CFAP43: variants seen among roughly 807,000 people sequenced by gnomAD.
The protein encoded by CFAP43 is cilia- and flagella-associated protein 43.
Under a neutral mutation model 218.9 loss-of-function variants are expected in CFAP43, and 155 were observed. That is an observed-to-expected ratio of 0.71 (90% CI 0.62 to 0.81). CFAP43 has a LOEUF of 0.81. CFAP43 is among the 30% of genes least tolerant of loss of function. CFAP43 has a pLI of 0.00. For synonymous variants in CFAP43, 645 were observed against 681.3 expected, an observed-to-expected ratio of 0.95 and a Z score of 0.83; for missense variants, 1,778 against 1,954.3, an observed-to-expected ratio of 0.91 and a Z score of 1.70.
intron 3 of CFAP43, among the ~76,000 whole-genome samples, chr10:104,215,478 T>C (rs1444693434): frequency 1.3e-5 from 2 of 152,140 alleles, no homozygotes; most frequent in Non-Finnish European, 2.9e-5. Flanking sequence ...CTTGATCCTT[T>C]GACTTTTTGC....
At position 104,230,604 on chromosome 10, in the gene CFAP43, C is replaced by G. The variant is rs753615149; in HGVS notation, c.305G>C (p.Arg102Thr). 1.9e-6 allele frequency: 3 copies of G among 1,613,952 alleles called. No homozygotes were observed. The South Asian group carries it at 3.3e-5, about 18-fold the overall frequency. Residue 102 changes from arginine to threonine, a missense_variant, in exon 2 of 38, where the codon AGG (arginine) becomes ACG (threonine). By Grantham distance (71) the Arg-to-Thr change is moderately conservative. Transcript: ENST00000357060. ...CTCTAGAATACCTTTCAATTTGGTC[C>G]TTCTGGTCAATCCTGGAAAGCTGTA... ...YVYSFPGLTR[R>T]TKLKGNILLD...
In CFAP43 at chr10:104,225,441, C is replaced by T. The variant is rs781205613; in HGVS notation, c.416+20G>A. The stretch of plus-strand genomic sequence containing the variant: ...AAATGTAACCCAGTAAAAGGAATTC[C>T]ACAGGATGCTGAAACTTACCAAAGG... On this transcript the variant is annotated intron_variant, in intron 3 of 37. Coordinates refer to ENST00000357060, the MANE Select transcript of CFAP43 (RefSeq NM_025145.7). The T allele has an allele frequency of 1.3e-6, 2 of 1,571,978 alleles. No homozygotes were observed. Among genetic ancestry groups the T allele is most frequent in the Admixed American group, 1.7e-5 (1 of 58,286 alleles).
chr10:104,167,854 A>C, intron 21 of CFAP43, 117 bp from the exon 22 acceptor site: 3 of 639,044 alleles, frequency 4.7e-6, no homozygotes, highest in Non-Finnish European at 7.8e-6. Flanking sequence ...ATCATGTGTT[A>C]GTAAAATTGA....
chr10:104,212,278 G>T, intron 4 of CFAP43, 121 bp from the exon 5 acceptor site: 1 of 906,618 alleles, frequency 1.1e-6, no homozygotes, highest in Non-Finnish European at 1.6e-6. Flanking sequence ...CAAATAAGAA[G>T]ATAAAAGCCA....
At chr10:104,183,355 G>A (rs972311464) in intron 16 of CFAP43, among the ~76,000 whole-genome samples, 23 of 151,404 alleles carry the variant, frequency 1.5e-4, no homozygotes, top group African/African-American at 5.6e-4. Context: ...ATTTGCCAAG[G>A]TCACAAAGTC....
chr10:104,152,676 TG>T lies in CFAP43; in HGVS notation c.3590del (p.Thr1197AsnfsTer8), dbSNP rs758023523. The T allele has an allele frequency of 6.2e-7, 1 of 1,613,668 alleles. No individual in the cohort carries two copies. Among genetic ancestry groups the T allele is most frequent in the Non-Finnish European group, 8.5e-7 (1 of 1,179,810 alleles). ...TTTTCAAATGTTCATCAAAGGCCTG[TG>T]TGCTTTCTTGAATAGAGTTTTGAAG... ...KKLQNSIQES[T>X]QAFDEHLKRL... is the part of the protein sequence containing the mutation. On this transcript the variant is annotated frameshift_variant, in exon 28 of 38. Coordinates refer to ENST00000357060, the MANE Select transcript of CFAP43 (RefSeq NM_025145.7). LOFTEE classifies it high-confidence loss of function.
At chr10:104,211,102 T>A (rs2090848975) in intron 5 of CFAP43, among the ~76,000 whole-genome samples, 1 of 152,140 alleles carries the variant, frequency 6.6e-6, no homozygotes, top group Non-Finnish European at 1.5e-5. Context: ...CTCCTTGTCC[T>A]TCAAATCTTA....
Position 104,179,847 on chromosome 10 carries a change from C to T in CFAP43, c.2375G>A (p.Ser792Asn). The T allele has an allele frequency of 6.2e-7, 1 of 1,612,948 alleles. No homozygotes were observed. Among genetic ancestry groups the T allele is most frequent in the Non-Finnish European group, 8.5e-7 (1 of 1,179,314 alleles). Reference sequence around the variant, plus strand: ...CCCATGTTTCACAAATACCTCTTGGCTTTTTTGTTGTATCCAAGGAATTTC... The same window carrying T: ...CCCATGTTTCACAAATACCTCTTGGTTTTTTTGTTGTATCCAAGGAATTTC... ...KKEIPWIQQKSQEAIKKEVNL... is the reference protein window; with the variant it reads ...KKEIPWIQQKNQEAIKKEVNL... The change falls in exon 18 of 38, where the codon AGC becomes AAC. Residue 792 changes from serine to asparagine, a missense_variant. By Grantham distance (46) the Ser-to-Asn change is conservative. Transcript: ENST00000357060.
intron 17 of CFAP43, among the ~76,000 whole-genome samples, chr10:104,180,445 CTTT>C (rs34452460): frequency 8.0e-6 from 1 of 124,638 alleles, no homozygotes; most frequent in Admixed American, 8.1e-5. Flanking sequence ...CACCCTATTT[CTTT>C]TTTTTTTTTT....
At chr10:104,172,320 T>G in intron 20 of CFAP43, 90 bp downstream of exon 20, 1 of 1,489,042 alleles carries the variant, frequency 6.7e-7, no homozygotes, top group Non-Finnish European at 9.1e-7. Context: ...TTTTGTCATA[T>G]TCACATTATT....
intron 14 of CFAP43, among the ~76,000 whole-genome samples, chr10:104,187,086 T>C (rs367670286): frequency 2.2e-4 from 33 of 152,352 alleles, no homozygotes; most frequent in African/African-American, 7.9e-4. Flanking sequence ...CATCTGCATG[T>C]TTATCTGACA....
At chr10:104,172,772 T>C (rs189180315) in intron 19 of CFAP43, among the ~76,000 whole-genome samples, 1 of 152,314 alleles carries the variant, frequency 6.6e-6, no homozygotes, top group East Asian at 1.9e-4. Flanking sequence ...AAGCTCATCA[T>C]TTCATTCAAT....
In CFAP43 at chr10:104,212,024, C is replaced by T. The variant is rs758632201; in HGVS notation, c.718G>A (p.Glu240Lys). 1 of 1,613,448 alleles carries T rather than the reference C, an allele frequency of 6.2e-7. No individual in the cohort carries two copies. Among genetic ancestry groups the T allele is most frequent in the South Asian group, 1.1e-5 (1 of 90,942 alleles). ...LSAIAGLVGK[E>K]AETFRPKDDL... is the part of the protein sequence containing the mutation. ...GTAATTACCCGGAAAGTCTCTGCCT[C>T]TTTGCCTACCAGCCCGGCAATGGCT... Residue 240 changes from glutamate (E) to lysine (K), a missense_variant, in exon 5 of 38, where the codon GAG becomes AAG. This residue lies in a region of CFAP43 where 1,553 missense variants were observed against 1,685.2 expected (regional missense o/e 0.92). Transcript: ENST00000357060.
At chr10:104,214,778 A>G (rs2134979473) in intron 3 of CFAP43, among the ~76,000 whole-genome samples, 1 of 152,360 alleles carries the variant, frequency 6.6e-6, no homozygotes. Context: ...ACTACATGTG[A>G]GTACTCCATA....
At chr10:104,230,960 C>A in intron 1 of CFAP43, 117 bp from the exon 2 acceptor site, 1 of 1,138,854 alleles carries the variant, frequency 8.8e-7, no homozygotes, top group Non-Finnish European at 1.2e-6. Context: ...TCCTTTCTGC[C>A]CCCAATTTCT....
At chr10:104,160,047 A>G (rs1213027726) in intron 27 of CFAP43, among the ~76,000 whole-genome samples, 1 of 152,164 alleles carries the variant, frequency 6.6e-6, no homozygotes, top group African/African-American at 2.4e-5. Context: ...TAGCCACTTC[A>G]TGGGTGCAGG....
intron 23 of CFAP43, among the ~76,000 whole-genome samples, chr10:104,165,832 G>C (rs1479093385): frequency 1.3e-5 from 2 of 152,134 alleles, no homozygotes; most frequent in Non-Finnish European, 2.9e-5. Context: ...ATCTTACAGG[G>C]AAATCCTAAT....
intron 1 of CFAP43, among the ~76,000 whole-genome samples, chr10:104,231,586 A>G (rs2091448816): frequency 6.6e-6 from 1 of 152,176 alleles, no homozygotes; most frequent in Non-Finnish European, 1.5e-5. Context: ...GAGACATTAG[A>G]GTGTCCAGGA....
intron 20 of CFAP43, 131 bp downstream of exon 20, chr10:104,172,279 G>T: frequency 1.7e-6 from 2 of 1,163,320 alleles, no homozygotes; most frequent in African/African-American, 3.2e-5. Flanking sequence ...TATGCACTAT[G>T]TTTGCTTTAT....
Sources: allele counts gnomAD v4.1 joint callset (sites outside exome capture counted in the v4.1 genomes callset), GRCh38; gene constraint gnomAD v4.1.1; regional missense constraint gnomAD v4.1.1; transcripts MANE v1.5; gene names NCBI Gene and HGNC (gene_info 2026-07-23, HGNC 2026-07-21).